Variants in TLN1 observed in about 807,000 individuals in gnomAD.
TLN1 encodes talin 1.
Under a neutral mutation model 292.3 loss-of-function variants are expected in TLN1, and 56 were observed. The ratio of observed to expected loss-of-function variants is 0.19; its 90% confidence interval spans 0.15 to 0.24. The LOEUF is 0.24. Among genes scored for constraint, TLN1 ranks in the 10% least tolerant of loss-of-function variants. The pLI, the probability that TLN1 is intolerant of heterozygous loss-of-function variation, is 1.00. For missense variants in TLN1, 2,433 were observed against 3,248.2 expected, an observed-to-expected ratio of 0.75 and a Z score of 6.10; for synonymous variants, 1,119 against 1,253.7, an observed-to-expected ratio of 0.89 and a Z score of 2.27.
At position 35,706,298 on chromosome 9, in the gene TLN1, C is replaced by T; in HGVS notation, c.5259G>A (p.Leu1753=). ...LAAVGAASKT[L]SHPQQMALLD... ...GGAGTGCCATCTGCTGCGGGTGGCT[C>T]AGGGTCTTGGAGGCAGCACCCACTG... The change falls in exon 40 of 57, where the codon CTG becomes CTA. Residue 1753 remains leucine, a synonymous_variant. Coordinates refer to ENST00000314888, the MANE Select transcript of TLN1 (RefSeq NM_006289.4). The surrounding 1 kb of genome is among the most constrained non-coding windows in gnomAD (Gnocchi z 4.2). 2 of 1,613,880 alleles carry T rather than the reference C, an allele frequency of 1.2e-6. No individual in the cohort carries two copies. The highest frequency in any genetic ancestry group is 1.7e-6 in the Non-Finnish European group (2 of 1,179,846).
At chr9:35,731,710 T>C (rs1379268024) in intron 1 of TLN1, among the ~76,000 whole-genome samples, 1 of 152,142 alleles carries the variant, frequency 6.6e-6, no homozygotes, top group Non-Finnish European at 1.5e-5. Flanking sequence ...ACCCCAGCTT[T>C]TAACTCCTAT....
At chr9:35,713,352 G>C (rs952076271) in intron 25 of TLN1, 54 bp from the exon 26 acceptor site, 12 of 1,423,090 alleles carry the variant, frequency 8.4e-6, no homozygotes, top group Non-Finnish European at 1.1e-5. Context: ...TGAGGAGAAG[G>C]AACCTGAGAA....
Position 35,714,792 on chromosome 9 carries a change from C to T in TLN1, c.2839G>A (p.Gly947Ser), listed in dbSNP as rs570598486. Residue 947 changes from glycine to serine, a missense_variant, in exon 22 of 57, where the codon GGC becomes AGC. Gly to Ser is a moderately conservative substitution (Grantham distance 56). Around this residue, in one of 7 missense-constraint regions of TLN1, gnomAD observed 617 missense variants for 770.6 expected, o/e 0.80. Coordinates refer to ENST00000314888, the MANE Select transcript of TLN1 (RefSeq NM_006289.4). The surrounding 1 kb of genome is among the most constrained non-coding windows in gnomAD (Gnocchi z 4.6). Reference protein sequence around the residue: ...HAASTPKASAGPQPLLVQSCK... With the variant: ...HAASTPKASASPQPLLVQSCK... ...CTCTGCACCAGCAGGGGCTGGGGGC[C>T]GGCAGAGGCCTTGGGGGTAGAGGCT... 2.6e-5 allele frequency: 41 copies of T among 1,584,022 alleles called. No individual in the cohort carries two copies. The South Asian group carries it at 4.1e-4, about 16-fold the overall frequency.
Position 35,711,879 on chromosome 9 carries a change from A to G in TLN1, c.3682-87T>C, listed in dbSNP as rs543365877. 257 of 1,599,326 alleles carry G rather than the reference A, an allele frequency of 1.6e-4. 1 individual carries two copies. The highest frequency in any genetic ancestry group is 1.4e-5 in the Non-Finnish European group (17 of 1,174,096). On this transcript the variant is annotated intron_variant, in intron 28 of 56. Coordinates refer to ENST00000314888, the MANE Select transcript of TLN1 (RefSeq NM_006289.4). ...AAAGGAGGGCTGAAAAGGTGGGCAC[A>G]TAGCCTGGGAGTAATGAAAGGGGAC...
intron 26 of TLN1, 30 bp downstream of exon 26, chr9:35,713,166 T>C: frequency 6.3e-7 from 1 of 1,583,794 alleles, no homozygotes; most frequent in Non-Finnish European, 8.7e-7. Context: ...CCTCACAATA[T>C]GCCCCATGCC....
At chr9:35,730,423 T>C (rs535436578) in intron 1 of TLN1, among the ~76,000 whole-genome samples, 2 of 151,284 alleles carry the variant, frequency 1.3e-5, no homozygotes, top group East Asian at 3.9e-4. Flanking sequence ...CTCTTTTCTG[T>C]TGGGGAGTGG....
chr9:35,712,154 A>C, intron 27 of TLN1, 30 bp from the exon 28 acceptor site: 1 of 1,602,078 alleles, frequency 6.2e-7, no homozygotes, highest in Non-Finnish European at 8.5e-7. Context: ...AGGGTTGCCC[A>C]AGTGAAAAGA....
rs754581437 is a variant in TLN1, at chr9:35,711,582, T to TG, written c.3879+12dup. ...GTGGGAACCATTCAACCAGACCCTCTGCCTCTTCATACCGGAGCCTGGCCT... is the reference window on the plus strand; with the variant it reads ...GTGGGAACCATTCAACCAGACCCTCTGGCCTCTTCATACCGGAGCCTGGCCT... On this transcript the variant is annotated intron_variant, in intron 29 of 56. Coordinates refer to ENST00000314888, the MANE Select transcript of TLN1 (RefSeq NM_006289.4). The TG allele has an allele frequency of 6.2e-7, 1 of 1,613,480 alleles. No individual in the cohort carries two copies. The highest frequency in any genetic ancestry group is 8.5e-7 in the Non-Finnish European group (1 of 1,180,026).
chr9:35,712,175 T>G (rs1384648221), intron 27 of TLN1, 51 bp from the exon 28 acceptor site: 2 of 1,576,502 alleles, frequency 1.3e-6, no homozygotes, highest in African/African-American at 2.7e-5. Context: ...ATTTGAGAGA[T>G]CGCCTCCATT....
At chr9:35,705,716 C>T (rs536066037) in intron 42 of TLN1, 34 bp downstream of exon 42, 28 of 1,614,028 alleles carry the variant, frequency 1.7e-5, no homozygotes, top group African/African-American at 5.3e-5. Context: ...GTCAGCTCTC[C>T]GAGGGCAGTC....
chr9:35,725,420 G>A, intron 2 of TLN1, 99 bp from the exon 3 acceptor site: 7 of 1,534,740 alleles, frequency 4.6e-6, no homozygotes, highest in Non-Finnish European at 5.4e-6. Flanking sequence ...ATGACCTTGG[G>A]CCTAAAGAAC....
At chr9:35,722,750 G>A (rs749323429) in intron 8 of TLN1, 111 bp downstream of exon 8, 304 of 1,132,150 alleles carry the variant, frequency 2.7e-4, no homozygotes, top group Non-Finnish European at 3.7e-4. Context: ...AGCCCGGTGG[G>A]TGAAAGCCAA....
Position 35,719,032 on chromosome 9 carries a change from T to C in TLN1, c.1896+42A>G. 2 of 1,600,792 alleles carry C rather than the reference T, an allele frequency of 1.2e-6. No homozygotes were observed. Among genetic ancestry groups the C allele is most frequent in the Non-Finnish European group, 1.7e-6 (2 of 1,171,416 alleles). On this transcript the variant is annotated intron_variant, in intron 16 of 56. Coordinates refer to ENST00000314888, the MANE Select transcript of TLN1 (RefSeq NM_006289.4). The surrounding 1 kb of genome is among the most constrained non-coding windows in gnomAD (Gnocchi z 4.6). Reference sequence around the variant, plus strand: ...TTGGACTGCCCCTTCTCCTTGGGCTTGAACCCTGTCTCCACCCTAACCCAA... The same window carrying C: ...TTGGACTGCCCCTTCTCCTTGGGCTCGAACCCTGTCTCCACCCTAACCCAA...
chr9:35,711,939 A>G (rs1245908518), intron 28 of TLN1, 66 bp downstream of exon 28: 3 of 1,599,054 alleles, frequency 1.9e-6, no homozygotes, highest in African/African-American at 2.7e-5. Flanking sequence ...GACAACCGAG[A>G]GGGAGGAAGG....
rs1341264893 is a variant in TLN1 at position 35,710,883 on chromosome 9, C to A, written c.4117G>T (p.Val1373Phe). 4 of 1,614,202 alleles carry A rather than the reference C, an allele frequency of 2.5e-6. No homozygotes were observed. The highest frequency in any genetic ancestry group is 8.5e-7 in the Non-Finnish European group (1 of 1,180,034). ...ACTGGGTTCTCCAGGAGTTCCCGGA[C>A]CGTCTGTGTAGGGGGAGGGCAAAGT... ...CDNALRELETVRELLENPVQP... is the reference protein window; with the variant it reads ...CDNALRELETFRELLENPVQP... Residue 1373 changes from valine to phenylalanine, a missense_variant, in exon 32 of 57, where the codon GTC (valine) becomes TTC (phenylalanine). Physicochemically the swap from Val to Phe is conservative, Grantham distance 50 (BLOSUM62 -1). Around this residue, in one of 7 missense-constraint regions of TLN1, gnomAD observed 1,384 missense variants for 1,699.6 expected, o/e 0.81. Transcript: ENST00000314888.
At position 35,724,175 on chromosome 9, in the gene TLN1, C is replaced by G; in HGVS notation, c.654+17G>C. 6.2e-7 allele frequency: 1 copy of G among 1,614,124 alleles called. No individual in the cohort carries two copies. The highest frequency in any genetic ancestry group is 8.5e-7 in the Non-Finnish European group (1 of 1,179,988). On this transcript the variant is annotated intron_variant, in intron 6 of 56. Coordinates refer to ENST00000314888, the MANE Select transcript of TLN1 (RefSeq NM_006289.4). This position sits in a 1 kb window ranked among gnomAD's most constrained non-coding sequence, Gnocchi z 4.7. Reference sequence around the variant, plus strand: ...CCTCCCTATTCCTGCCCCACCCCAGCCAAGTCCTCTGCATACCTGCACATA... The same window carrying G: ...CCTCCCTATTCCTGCCCCACCCCAGGCAAGTCCTCTGCATACCTGCACATA...
Position 35,710,972 on chromosome 9 carries a change from G to A in TLN1, c.4113+17C>T. The A allele has an allele frequency of 1.2e-6, 2 of 1,614,068 alleles. No homozygotes were observed. Among genetic ancestry groups the A allele is most frequent in the South Asian group, 1.1e-5 (1 of 91,076 alleles). ...ACTTCCCTCAACCTCAATGCCATCA[G>A]CCTGCCATGTGTCTACCTCCAATTC... On this transcript the variant is annotated intron_variant, in intron 31 of 56. Coordinates refer to ENST00000314888, the MANE Select transcript of TLN1 (RefSeq NM_006289.4).
Position 35,717,089 on chromosome 9 carries a change from AGTGGGCTTAGGGAACCCTG to A in TLN1, c.2458+38_2458+56del. On this transcript the variant is annotated intron_variant, in intron 19 of 56. Transcript: ENST00000314888. The surrounding 1 kb of genome is among the most constrained non-coding windows in gnomAD (Gnocchi z 4.7). ...TTAGGTCCGCAAGGGGATGATGTCC[AGTGGGCTTAGGGAACCCTG>A]GTAGGGTTTTTTGTTTTCCTGGGGG... is the stretch of plus-strand genomic sequence containing the variant. 1 of 1,539,362 alleles carries A rather than the reference AGTGGGCTTAGGGAACCCTG, an allele frequency of 6.5e-7. No individual in the cohort carries two copies. Among genetic ancestry groups the A allele is most frequent in the Non-Finnish European group, 8.8e-7 (1 of 1,139,680 alleles).
rs771985775 is a variant in TLN1, at chr9:35,698,118, T to C, written c.7426A>G (p.Lys2476Glu). Residue 2476 changes from lysine (K) to glutamate (E), a missense_variant, in exon 56 of 57, where the codon AAG becomes GAG. Physicochemically the swap from Lys to Glu is moderately conservative, Grantham distance 56 (BLOSUM62 1). Coordinates refer to ENST00000314888, the MANE Select transcript of TLN1 (RefSeq NM_006289.4). This position sits in a 1 kb window ranked among gnomAD's most constrained non-coding sequence, Gnocchi z 5.3. ...TCCTGCTCTTCAAAGGCTGCAGCCTTCTGTGCTGCTTTCACCAGATTATCT... is the reference window on the plus strand; with the variant it reads ...TCCTGCTCTTCAAAGGCTGCAGCCTCCTGTGCTGCTTTCACCAGATTATCT... Reference protein sequence around the residue: ...ASDNLVKAAQKAAAFEEQENE... With the variant: ...ASDNLVKAAQEAAAFEEQENE... The C allele has an allele frequency of 6.2e-7, 1 of 1,614,086 alleles. No homozygotes were observed. Among genetic ancestry groups the C allele is most frequent in the East Asian group, 2.2e-5 (1 of 44,880 alleles).
Sources: allele counts gnomAD v4.1 joint callset (sites outside exome capture counted in the v4.1 genomes callset), GRCh38; gene constraint gnomAD v4.1.1; regional missense constraint gnomAD v4.1.1; non-coding constraint Gnocchi (gnomAD v3.1); transcripts MANE v1.5; gene names NCBI Gene and HGNC (gene_info 2026-07-23, HGNC 2026-07-21).